Variants in ARNT2 observed in about 807,000 individuals in gnomAD.
The protein encoded by ARNT2 is aryl hydrocarbon receptor nuclear translocator 2, also known as ARNT protein 2.
In ARNT2, 36 loss-of-function variants were observed where a neutral mutation model predicts 91.7. That is an observed-to-expected ratio of 0.39 (90% CI 0.30 to 0.52). The LOEUF is 0.52. ARNT2 is among the 20% of genes least tolerant of loss of function. ARNT2 has a pLI of 0.72. For synonymous variants in ARNT2, 365 were observed against 347.1 expected, an observed-to-expected ratio of 1.05 and a Z score of -0.57; for missense variants, 775 against 939.3, an observed-to-expected ratio of 0.83 and a Z score of 2.29.
Position 80,563,115 on chromosome 15 carries a change from T to C in ARNT2, c.1192T>C (p.Ser398Pro). Residue 398 changes from serine (S) to proline (P), a missense_variant, in exon 12 of 19, where the codon TCG (serine) becomes CCG (proline). Transcript: ENST00000303329. ...GGTTAAGCTGAAAGGCCAAGTCCTG[T>C]CGGTCATGTATCGATTTCGCACCAA... is the stretch of plus-strand genomic sequence containing the variant. Reference protein sequence around the residue: ...QVVKLKGQVLSVMYRFRTKNR... With the variant: ...QVVKLKGQVLPVMYRFRTKNR... 1 of 1,614,190 alleles carries C rather than the reference T, an allele frequency of 6.2e-7. No individual in the cohort carries two copies. The highest frequency in any genetic ancestry group is 8.5e-7 in the Non-Finnish European group (1 of 1,180,034).
chr15:80,476,403 C>T (rs1403281256), intron 5 of ARNT2, among the ~76,000 whole-genome samples: 1 of 152,224 alleles, frequency 6.6e-6, no homozygotes, highest in Non-Finnish European at 1.5e-5. Context: ...ACAACATTCA[C>T]ATTATGCTCA....
intron 5 of ARNT2, among the ~76,000 whole-genome samples, chr15:80,497,178 C>T (rs565646325): frequency 1.3e-5 from 2 of 152,264 alleles, no homozygotes; most frequent in South Asian, 4.1e-4. Context: ...GGGATTTTGC[C>T]TATGTAGTTA....
chr15:80,458,099 C>T, intron 3 of ARNT2, 123 bp downstream of exon 3: 1 of 1,031,542 alleles, frequency 9.7e-7, no homozygotes, highest in Non-Finnish European at 1.4e-6. Context: ...TGACTGGTCC[C>T]TCACTCTGTG....
At chr15:80,454,319 C>T (rs1267669126) in intron 2 of ARNT2, among the ~76,000 whole-genome samples, 2 of 152,152 alleles carry the variant, frequency 1.3e-5, no homozygotes, top group African/African-American at 2.4e-5. Flanking sequence ...TTGTGCCCAT[C>T]TCAAAGCCAG....
chr15:80,551,064 C>T, intron 8 of ARNT2, 135 bp from the exon 9 acceptor site: 2 of 750,400 alleles, frequency 2.7e-6, no homozygotes, highest in South Asian at 3.4e-5. Context: ...CTGGTTAATT[C>T]ATTGGCTGGC....
rs2141493470 is a variant in ARNT2, at chr15:80,596,963, C to T, written c.*3265C>T. The T allele has an allele frequency of 5.6e-6, 2 of 354,884 alleles. No homozygotes were observed. Among genetic ancestry groups the T allele is most frequent in the Non-Finnish European group, 1.1e-5 (2 of 179,618 alleles). The allele number at this position is 354,884 out of a possible 1,614,324, so 22.0% of individuals were successfully genotyped here. ...AGCTTTGGCTTCAGGGAGTGACAGC[C>T]ATCACAAATAGCCACATTCTGCTCT... is the stretch of plus-strand genomic sequence containing the variant. On this transcript the variant is annotated 3_prime_UTR_variant, in exon 19 of 19. Transcript: ENST00000303329.
At chr15:80,436,321 A>C (rs1445010507) in intron 1 of ARNT2, 2 of 154,448 alleles carry the variant, frequency 1.3e-5, no homozygotes, top group African/African-American at 4.8e-5. Context: ...CCATCACTGA[A>C]GGGTGTGGTG....
intron 8 of ARNT2, among the ~76,000 whole-genome samples, chr15:80,537,372 A>T (rs1250157282): frequency 6.6e-6 from 1 of 152,114 alleles, no homozygotes; most frequent in African/African-American, 2.4e-5. Context: ...TCCCAGTTAT[A>T]CCCCCTGCAG....
intron 2 of ARNT2, among the ~76,000 whole-genome samples, chr15:80,455,831 CA>C (rs1567184065): frequency 6.6e-6 from 1 of 152,232 alleles, no homozygotes; most frequent in Non-Finnish European, 1.5e-5. Flanking sequence ...GTATGTCTCA[CA>C]CCCACTTGTG....
intron 8 of ARNT2, among the ~76,000 whole-genome samples, chr15:80,536,494 C>T (rs1331608845): frequency 6.6e-6 from 1 of 152,168 alleles, no homozygotes; most frequent in East Asian, 1.9e-4. Context: ...CATGTGTAGC[C>T]CCCAGGTACC....
In ARNT2 at chr15:80,575,031, G is replaced by A; in HGVS notation, c.1434G>A (p.Lys478=). Reference sequence around the variant, plus strand: ...CAGCCGGTGTTCATGAGGCCGGGAAGTCCGTGGAAAAGGCGGATGCAATCT... The same window carrying A: ...CAGCCGGTGTTCATGAGGCCGGGAAATCCGTGGAAAAGGCGGATGCAATCT... The part of the protein sequence containing the change: ...NLPAGVHEAG[K]SVEKADAIFS... Residue 478 remains lysine (K), a synonymous_variant, in exon 14 of 19, where the codon AAG becomes AAA. Coordinates refer to ENST00000303329, the MANE Select transcript of ARNT2 (RefSeq NM_014862.4). 6.2e-7 allele frequency: 1 copy of A among 1,614,222 alleles called. No individual in the cohort carries two copies. Among genetic ancestry groups the A allele is most frequent in the Non-Finnish European group, 8.5e-7 (1 of 1,180,044 alleles).
At chr15:80,498,216 C>T (rs567118979) in intron 5 of ARNT2, among the ~76,000 whole-genome samples, 1 of 152,302 alleles carries the variant, frequency 6.6e-6, no homozygotes, top group South Asian at 2.1e-4. Context: ...GCACCGATGG[C>T]ACACGATTTT....
At chr15:80,457,881 A>G (rs1315471827) in intron 2 of ARNT2, 48 bp from the exon 3 acceptor site, 1 of 1,603,066 alleles carries the variant, frequency 6.2e-7, no homozygotes, top group South Asian at 1.1e-5. Flanking sequence ...TTACCAGTTA[A>G]AATGTTCTCC....
chr15:80,463,752 G>A (rs1896601071), intron 3 of ARNT2, among the ~76,000 whole-genome samples: 1 of 151,886 alleles, frequency 6.6e-6, no homozygotes, highest in Admixed American at 6.6e-5. Flanking sequence ...CTAATTTTTT[G>A]TATTTTTTGT....
intron 13 of ARNT2, 85 bp downstream of exon 13, chr15:80,574,305 C>T (rs1898631694): frequency 7.4e-7 from 1 of 1,345,888 alleles, no homozygotes; most frequent in East Asian, 2.3e-5. Context: ...AGCTTGAGCC[C>T]CTCAACACAA....
At position 80,475,092 on chromosome 15, in the gene ARNT2, C is replaced by A. The variant is rs1896781075; in HGVS notation, c.491C>A (p.Ser164Tyr). 1 of 1,614,066 alleles carries A rather than the reference C, an allele frequency of 6.2e-7. No homozygotes were observed. The highest frequency in any genetic ancestry group is 1.7e-5 in the Admixed American group (1 of 60,006). ...GAGACAGGGCGAGTGATTTATGTGT[C>A]TGACTCCGTCACCCCTGTTCTGAAC... Reference protein sequence around the residue: ...AAETGRVIYVSDSVTPVLNQP... With the variant: ...AAETGRVIYVYDSVTPVLNQP... Residue 164 changes from serine to tyrosine, a missense_variant, in exon 5 of 19, where the codon TCT becomes TAT. Transcript: ENST00000303329.
chr15:80,470,464 G>T (rs566920909), intron 4 of ARNT2, 33 bp downstream of exon 4: 7 of 1,601,942 alleles, frequency 4.4e-6, no homozygotes, highest in South Asian at 2.2e-5. Context: ...ATTGGAAAGC[G>T]GGGGGAATCC....
At chr15:80,533,814 G>A (rs568561778) in intron 8 of ARNT2, among the ~76,000 whole-genome samples, 84 of 152,376 alleles carry the variant, frequency 5.5e-4, no homozygotes, top group Middle Eastern at 6.8e-3. Context: ...GTGGGCAGAA[G>A]CCTGGGGGCC....
chr15:80,503,778 A>T (rs925922272), intron 5 of ARNT2, among the ~76,000 whole-genome samples: 1 of 152,246 alleles, frequency 6.6e-6, no homozygotes, highest in Admixed American at 6.5e-5. Context: ...CTCTCAGCAC[A>T]CTGAGTCAAA....
Sources: allele counts gnomAD v4.1 joint callset (sites outside exome capture counted in the v4.1 genomes callset), GRCh38; gene constraint gnomAD v4.1.1; transcripts MANE v1.5; gene names NCBI Gene and HGNC (gene_info 2026-07-23, HGNC 2026-07-21).